The following CLIC5 variants were observed in gnomAD, a reference collection of about 807,000 sequenced individuals.
CLIC5 encodes CLIC family member 5, also known as chloride intracellular channel protein 5.
In CLIC5, 20 loss-of-function variants were observed where a neutral mutation model predicts 24.7. The ratio of observed to expected loss-of-function variants is 0.81; its 90% confidence interval spans 0.57 to 1.18. The LOEUF (loss-of-function observed/expected upper bound fraction) is 1.18, where lower values mean the gene tolerates loss of function less well. Ranked by LOEUF, CLIC5 falls within the 50% of genes most tolerant of loss-of-function variation. The probability of loss-of-function intolerance (pLI) is 0.00; values close to 1 mark genes in which losing one functional copy is unlikely to be tolerated. For synonymous variants in CLIC5, 159 were observed against 135.6 expected (o/e 1.17, Z -1.20); for missense variants, 341 against 326.1 (o/e 1.05, Z -0.35).
intron 5 of CLIC5, among the ~76,000 whole-genome samples, chr6:45,904,664 A>G (rs1284863088): frequency 1.3e-4 from 1 of 7,774 alleles, no homozygotes; most frequent in Non-Finnish European, 2.6e-4. Context: ...TTCCCTCCCT[A>G]CTCCCTTCCT....
At chr6:45,988,397 G>C (rs555467946) in intron 1 of CLIC5, among the ~76,000 whole-genome samples, 1 of 152,136 alleles carries the variant, frequency 6.6e-6, no homozygotes, top group Non-Finnish European at 1.5e-5. Flanking sequence ...TCTCAGCCAC[G>C]TTAGGGAGGG....
intron 1 of CLIC5, among the ~76,000 whole-genome samples, chr6:46,066,593 T>G (rs372687342): frequency 5.9e-5 from 9 of 152,180 alleles, no homozygotes; most frequent in African/African-American, 2.2e-4. Flanking sequence ...GCCCTGACTA[T>G]GGACCAGACT....
chr6:45,903,152 CA>C lies in CLIC5; in HGVS notation c.691del (p.Cys231ValfsTer86). 1 of 1,614,176 alleles carries C rather than the reference CA, an allele frequency of 6.2e-7. No individual in the cohort carries two copies. The highest frequency in any genetic ancestry group is 8.5e-7 in the Non-Finnish European group (1 of 1,180,024). On this transcript the variant is annotated frameshift_variant, in exon 6 of 6. Transcript: ENST00000339561. LOFTEE classifies it high-confidence loss of function. ...CAACTCGATCTCACTGTCAGCTGCA[CA>C]GGTGTTGGTGAACTCATCACGGGCA... ...AYARDEFTNT[C>X]AADSEIELAY...
upstream of CLIC5, among the ~76,000 whole-genome samples, chr6:46,084,458 A>G (rs1296533613): frequency 2.6e-5 from 4 of 152,142 alleles, no homozygotes; most frequent in African/African-American, 4.8e-5. Flanking sequence ...AGCTCTTTTA[A>G]GGCAGGCCTG....
upstream of CLIC5, among the ~76,000 whole-genome samples, chr6:46,083,047 C>T (rs1007894287): frequency 6.6e-6 from 1 of 152,172 alleles, no homozygotes; most frequent in Non-Finnish European, 1.5e-5. Flanking sequence ...CATATTTATC[C>T]TTCATTGGGT....
intron 2 of CLIC5, among the ~76,000 whole-genome samples, chr6:45,952,237 C>T (rs1047095864): frequency 6.6e-6 from 1 of 152,164 alleles, no homozygotes; most frequent in Non-Finnish European, 1.5e-5. Flanking sequence ...GCTAGAGTTG[C>T]AGCCCTCTGT....
chr6:45,939,217 C>CTTTTTTT (rs34976541), intron 4 of CLIC5, among the ~76,000 whole-genome samples: 5 of 115,788 alleles, frequency 4.3e-5, no homozygotes, highest in Admixed American at 8.9e-5. Context: ...CTCCTCTCCT[C>CTTTTTTT]TTTTTTTTTT....
In CLIC5 at chr6:45,899,186, A is replaced by T. The variant is rs1032766212; in HGVS notation, c.*3902T>A. ...AGAAGACAATGGGGCTGTGTGCAGC[A>T]GGTCCTGTTCGCTTAAGTTTTCCTA... On this transcript the variant is annotated 3_prime_UTR_variant, in exon 6 of 6. Transcript: ENST00000339561. 6.6e-6 allele frequency: 1 copy of T among 152,254 alleles called. No homozygotes were observed. The highest frequency in any genetic ancestry group is 1.5e-5 in the Non-Finnish European group (1 of 68,044). The allele number at this position is 152,254 out of a possible 1,614,324, so 9.4% of individuals were successfully genotyped here.
At chr6:46,017,292 G>C (rs1370776802), upstream of CLIC5, among the ~76,000 whole-genome samples, 4 of 152,006 alleles carry the variant, frequency 2.6e-5, no homozygotes, top group Admixed American at 1.3e-4. Context: ...TTGTTTAATA[G>C]CTTTATTAAA....
In CLIC5 at chr6:45,986,369, G is replaced by C. The variant is rs546474223; in HGVS notation, c.63+29111C>G. On this transcript the variant is annotated intron_variant, in intron 1 of 5. Transcript: ENST00000339561. ...ACTAGGTTAGGAGTCAGGAAACCCA[G>C]CTTCTACTCCCAGCTTGGCCAATGA... Among the ~76,000 whole-genome samples the C allele has an allele frequency of 9.4e-4, 143 of 152,320 alleles. 1 individual carries two copies. The highest frequency in any genetic ancestry group is 2.9e-3 in the African/African-American group (121 of 41,574).
chr6:45,996,374 T>G (rs577144119), intron 1 of CLIC5, among the ~76,000 whole-genome samples: 43 of 152,104 alleles, frequency 2.8e-4, no homozygotes, highest in Admixed American at 1.6e-3. Context: ...GTCAATTTTG[T>G]CTTTTGTTGC....
intron 1 of CLIC5, among the ~76,000 whole-genome samples, chr6:46,066,721 A>T (rs1185970732): frequency 6.6e-6 from 1 of 152,174 alleles, no homozygotes; most frequent in African/African-American, 2.4e-5. Flanking sequence ...AGATAATTTT[A>T]AAATGAGGTA....
chr6:46,002,803 T>C lies in CLIC5; in HGVS notation c.63+12677A>G, dbSNP rs1581848271. ...GCTCTAACTCACCCAATCTGGTAAT[T>C]GCCCTGCTTTCTTGTCTAAGTGTTG... is the stretch of plus-strand genomic sequence containing the variant. On this transcript the variant is annotated intron_variant, in intron 1 of 5. Transcript: ENST00000339561. Among the ~76,000 whole-genome samples the C allele has an allele frequency of 7.9e-5, 12 of 152,326 alleles. No homozygotes were observed. The South Asian group carries it at 2.5e-3, about 32-fold the overall frequency.
intron 1 of CLIC5, among the ~76,000 whole-genome samples, chr6:45,977,814 A>T (rs1316787417): frequency 6.6e-6 from 1 of 152,218 alleles, no homozygotes; most frequent in Non-Finnish European, 1.5e-5. Flanking sequence ...GACTACTTCT[A>T]TTAGAATTAT....
chr6:46,092,356 C>T, the CLIC5 span, among the ~76,000 whole-genome samples: 1 of 152,186 alleles, frequency 6.6e-6, no homozygotes, highest in African/African-American at 2.4e-5. Context: ...CATTTTTAAA[C>T]AATGCCAATT....
chr6:45,947,389 G>C (rs1254940860), intron 3 of CLIC5, among the ~76,000 whole-genome samples: 1 of 151,922 alleles, frequency 6.6e-6, no homozygotes, highest in East Asian at 1.9e-4. Context: ...TCCTAGAGCA[G>C]AGAAGAGACT....
At chr6:45,964,487 G>A (rs1195574884) in intron 1 of CLIC5, among the ~76,000 whole-genome samples, 2 of 152,152 alleles carry the variant, frequency 1.3e-5, no homozygotes, top group Admixed American at 1.3e-4. Flanking sequence ...TTAGGTAATA[G>A]GGGGTGATAC....
At chr6:45,913,428 G>A (rs1447259245) in intron 5 of CLIC5, among the ~76,000 whole-genome samples, 1 of 152,188 alleles carries the variant, frequency 6.6e-6, no homozygotes, top group Admixed American at 6.5e-5. Context: ...TAGCAGGGAG[G>A]CATGCTTGGG....
intron 4 of CLIC5, among the ~76,000 whole-genome samples, chr6:45,919,919 A>G (rs1172811956): frequency 6.6e-6 from 1 of 152,170 alleles, no homozygotes; most frequent in African/African-American, 2.4e-5. Flanking sequence ...TAGCTCTATT[A>G]TAATTTAGGT....
Sources: gnomAD v4.1 joint callset for allele counts (sites outside exome capture counted in the v4.1 genomes callset) on GRCh38, gnomAD v4.1.1 for gene constraint, MANE v1.5 for transcripts, NCBI Gene and HGNC (gene_info 2026-07-23, HGNC 2026-07-21) for gene names.